The following ADAMTS9 variants were observed in gnomAD, a reference collection of about 807,000 sequenced individuals.
The protein encoded by ADAMTS9 is A disintegrin and metalloproteinase with thrombospondin motifs 9.
ADAMTS9 carries 107 observed loss-of-function variants against 257.1 expected under a neutral mutation model. The ratio of observed to expected loss-of-function variants is 0.42; its 90% CI spans 0.36 to 0.49. ADAMTS9 has a LOEUF of 0.49. ADAMTS9 is among the 20% of genes least tolerant of loss of function. The pLI, the probability that ADAMTS9 is intolerant of heterozygous loss-of-function variation, is 0.03. For missense variants in ADAMTS9, 2,353 were observed against 2,469.1 expected, an observed-to-expected ratio of 0.95 and a Z score of 1.00; for synonymous variants, 982 against 880.9, an observed-to-expected ratio of 1.11 and a Z score of -2.03.
chr3:64,592,594 GT>G (rs2084283529), intron 28 of ADAMTS9: 1 of 152,098 alleles, frequency 6.6e-6, no homozygotes, highest in African/African-American at 2.4e-5. Context: ...TAAGACTTAT[GT>G]TTTTCCCCCT....
intron 28 of ADAMTS9, among the ~76,000 whole-genome samples, chr3:64,569,452 C>T (rs1378842692): frequency 6.6e-6 from 1 of 152,084 alleles, no homozygotes; most frequent in Non-Finnish European, 1.5e-5. Context: ...GAATGAAGAA[C>T]AAAATGTGAA....
In ADAMTS9 at chr3:64,686,796, G is replaced by C. The variant is rs1559828974; in HGVS notation, c.288C>G (p.Ser96=). Residue 96 remains serine, a synonymous_variant, in exon 2 of 40, where the codon TCC becomes TCG. Transcript: ENST00000498707. The surrounding 1 kb of genome is among the most constrained non-coding windows in gnomAD (Gnocchi z 4.6). ...AGGCAGAGAGGCGGTAATGCGCCTG[G>C]GAGGAGGTAGAGGAGGAAGAGGAGG... ...FASSSSSSTS[S]QAHYRLSAFG... is the part of the protein sequence containing the mutation. 1 of 1,614,146 alleles carries C rather than the reference G, an allele frequency of 6.2e-7. No homozygotes were observed. Among genetic ancestry groups the C allele is most frequent in the Non-Finnish European group, 8.5e-7 (1 of 1,180,018 alleles).
At chr3:64,660,998 TG>T (rs1701207534) in intron 3 of ADAMTS9, among the ~76,000 whole-genome samples, 1 of 152,188 alleles carries the variant, frequency 6.6e-6, no homozygotes, top group African/African-American at 2.4e-5. Context: ...ATTAAATTTG[TG>T]GTTGGAAGAC....
intron 3 of ADAMTS9, among the ~76,000 whole-genome samples, chr3:64,659,054 C>G (rs544659164): frequency 2.6e-5 from 4 of 152,268 alleles, no homozygotes; most frequent in African/African-American, 7.2e-5. Context: ...AACAATTGCA[C>G]GTGATTCTTA....
In ADAMTS9 at chr3:64,601,930, C is replaced by T; in HGVS notation, c.4017+14G>A. 6.3e-7 allele frequency: 1 copy of T among 1,577,136 alleles called. No homozygotes were observed. The highest frequency in any genetic ancestry group is 8.6e-7 in the Non-Finnish European group (1 of 1,161,708). ...AAGTGAAAGAGAAGCAAGCAAACTT[C>T]AGGGAATACTCACTGCTCCCCAGGG... On this transcript the variant is annotated intron_variant, in intron 26 of 39. Coordinates refer to ENST00000498707, the MANE Select transcript of ADAMTS9 (RefSeq NM_182920.2).
intron 16 of ADAMTS9, among the ~76,000 whole-genome samples, chr3:64,627,355 T>G (rs2106879040): frequency 6.6e-6 from 1 of 151,202 alleles, no homozygotes; most frequent in Non-Finnish European, 1.5e-5. Context: ...ATAAATGGTT[T>G]GGCCCCAGAC....
At chr3:64,608,258 C>CAAAAAAAA (rs57247914) in intron 22 of ADAMTS9, among the ~76,000 whole-genome samples, 58 of 53,260 alleles carry the variant, frequency 1.1e-3, no homozygotes, top group African/African-American at 1.4e-3. Flanking sequence ...AAACTAAAAC[C>CAAAAAAAA]AAAAAAAAAA....
Position 64,687,242 on chromosome 3 carries a change from A to G in ADAMTS9, c.116-274T>C, listed in dbSNP as rs376372082. Among the ~76,000 whole-genome samples, 34 of 152,318 alleles carry G rather than the reference A, an allele frequency of 2.2e-4. 1 individual carries two copies. In the East Asian group the frequency reaches 2.9e-3, roughly 13 times the overall value. On this transcript the variant is annotated intron_variant, in intron 1 of 39. Transcript: ENST00000498707. The surrounding 1 kb of genome is among the most constrained non-coding windows in gnomAD (Gnocchi z 4.4). ...TATTGATAAATAACCTGAATAAAATAAAACATGACGCTATCTGGTGCCCCC... is the reference window on the plus strand; with the variant it reads ...TATTGATAAATAACCTGAATAAAATGAAACATGACGCTATCTGGTGCCCCC...
rs1276425758 is a variant in ADAMTS9 at position 64,622,163 on chromosome 3, C to T, written c.2686+35G>A. On this transcript the variant is annotated intron_variant, in intron 18 of 39. Transcript: ENST00000498707. ...ATAAATAAATAAATAAAATAAACTT[C>T]TCAAATCCCCAGAACTCAAATTCAA... 7 of 1,567,272 alleles carry T rather than the reference C, an allele frequency of 4.5e-6. No individual in the cohort carries two copies. The East Asian group carries it at 9.0e-5, about 20-fold the overall frequency.
intron 38 of ADAMTS9, among the ~76,000 whole-genome samples, chr3:64,531,189 G>A (rs78564046): frequency 1.6e-3 from 245 of 152,202 alleles, no homozygotes; most frequent in Non-Finnish European, 2.8e-3. Flanking sequence ...ACTTAATCAT[G>A]GCAGCTAGAA....
chr3:64,610,666 TAA>T (rs2084648498), intron 22 of ADAMTS9, among the ~76,000 whole-genome samples: 1 of 152,082 alleles, frequency 6.6e-6, no homozygotes, highest in Non-Finnish European at 1.5e-5. Context: ...CTTGGAATTT[TAA>T]AAAGGGAAAA....
In ADAMTS9 at chr3:64,568,861, T is replaced by C. The variant is rs1159678257; in HGVS notation, c.4357-326A>G. The C allele has an allele frequency of 1.6e-5, 4 of 244,218 alleles. No homozygotes were observed. The East Asian group carries it at 5.1e-4, about 31-fold the overall frequency. 15.1% of individuals were successfully genotyped at this position (244,218 alleles called of 1,614,324 possible). A position where few individuals can be genotyped will look rare whatever the true frequency, so the allele number is the denominator to read the frequency against. On this transcript the variant is annotated intron_variant, in intron 28 of 39. Transcript: ENST00000498707. ...ATTCTGATTTTAAGAAGTCCTACTA[T>C]GAAATAGTGATATATTTCTTCAACA...
chr3:64,559,887 G>A (rs1002694034), intron 30 of ADAMTS9, among the ~76,000 whole-genome samples: 19 of 152,324 alleles, frequency 1.2e-4, no homozygotes, highest in African/African-American at 4.6e-4. Flanking sequence ...GCTCCTCGGA[G>A]CAGGGTTGAG....
chr3:64,600,477 T>C (rs1039976508), intron 26 of ADAMTS9, among the ~76,000 whole-genome samples: 11 of 152,214 alleles, frequency 7.2e-5, no homozygotes, highest in Non-Finnish European at 1.5e-4. Flanking sequence ...GCAGAATCAT[T>C]CAATCTTAAA....
intron 36 of ADAMTS9, among the ~76,000 whole-genome samples, chr3:64,540,174 C>G (rs1268300862): frequency 6.6e-6 from 1 of 152,230 alleles, no homozygotes; most frequent in Non-Finnish European, 1.5e-5. Context: ...GGGTGTTTTC[C>G]TAAGTGGAGA....
rs1446651348 is a variant in ADAMTS9, at chr3:64,516,049, G to A, written c.*1078C>T. On this transcript the variant is annotated 3_prime_UTR_variant, in exon 40 of 40. Coordinates refer to ENST00000498707, the MANE Select transcript of ADAMTS9 (RefSeq NM_182920.2). ...CAGCGGGCATGAAAACCGGCAGGGT[G>A]TTAGGCTCATGGCCTGAAGAGAAGT... 1 of 152,224 alleles carries A rather than the reference G, an allele frequency of 6.6e-6. No homozygotes were observed. The highest frequency in any genetic ancestry group is 6.5e-5 in the Admixed American group (1 of 15,284). The allele number at this position is 152,224 out of a possible 1,614,324, so 9.4% of individuals were successfully genotyped here.
At chr3:64,613,276 T>G in intron 22 of ADAMTS9, 69 bp downstream of exon 22, 1 of 1,559,148 alleles carries the variant, frequency 6.4e-7, no homozygotes, top group Non-Finnish European at 8.7e-7. Flanking sequence ...ACTGGAATGC[T>G]CCTTTGCAAG....
intron 3 of ADAMTS9, among the ~76,000 whole-genome samples, chr3:64,664,952 G>A (rs2106993308): frequency 6.6e-6 from 1 of 152,116 alleles, no homozygotes; most frequent in Admixed American, 6.5e-5. Flanking sequence ...TTCTTTGAGG[G>A]TTCCTCAAAA....
At chr3:64,601,878 A>G in intron 26 of ADAMTS9, 66 bp downstream of exon 26, 1 of 1,506,158 alleles carries the variant, frequency 6.6e-7, no homozygotes, top group East Asian at 2.3e-5. Flanking sequence ...AGGTGTTTCT[A>G]GTCTCTTTTA....
Sources: gnomAD v4.1 joint callset for allele counts (sites outside exome capture counted in the v4.1 genomes callset) on GRCh38, gnomAD v4.1.1 for gene constraint, Gnocchi (gnomAD v3.1) non-coding constraint, MANE v1.5 for transcripts, NCBI Gene and HGNC (gene_info 2026-07-23, HGNC 2026-07-21) for gene names.